NET1: variants seen among roughly 807,000 people sequenced by gnomAD.
NET1 encodes the protein neuroepithelial cell transforming 1.
In NET1, 42 loss-of-function variants were observed where a neutral mutation model predicts 61.1. The ratio of observed to expected loss-of-function variants is 0.69; its 90% confidence interval spans 0.54 to 0.89. The LOEUF (loss-of-function observed/expected upper bound fraction) is 0.89. Among genes scored for constraint, NET1 ranks in the 40% least tolerant of loss-of-function variants. The pLI is 0.00. For missense variants in NET1, 654 were observed against 747.3 expected, an observed-to-expected ratio of 0.88 and a Z score of 1.46; for synonymous variants, 254 against 281.8, an observed-to-expected ratio of 0.90 and a Z score of 0.99.
rs1269360261 is a variant in NET1 at position 5,425,179 on chromosome 10, T to G, written c.129-1476T>G. ...AGATTCAGTAATACTTTGTATTACT[T>G]AAGTATTAATTCATCTGTGAAGCTT... On this transcript the variant is annotated intron_variant, in intron 1 of 11. Transcript: ENST00000355029. Among the ~76,000 whole-genome samples, 7 of 152,336 alleles carry G rather than the reference T, an allele frequency of 4.6e-5. No homozygotes were observed. The South Asian group carries it at 6.2e-4, about 14-fold the overall frequency.
In NET1 at chr10:5,449,026, C is replaced by T. The variant is rs1023075398; in HGVS notation, c.256-2804C>T. On this transcript the variant is annotated intron_variant, in intron 3 of 11. Transcript: ENST00000355029. The surrounding 1 kb of genome is among the most constrained non-coding windows in gnomAD (Gnocchi z 4.4). ...TCGGCTCACATGGGCCAATTTCTGA[C>T]GTGTATTCCGAAAGACACAAATTTT... Among the ~76,000 whole-genome samples, 12 of 152,144 alleles carry T rather than the reference C, an allele frequency of 7.9e-5. No homozygotes were observed. Among genetic ancestry groups the T allele is most frequent in the African/African-American group, 1.9e-4 (8 of 41,428 alleles).
chr10:5,453,364 A>G lies in NET1; in HGVS notation c.691+18A>G, dbSNP rs764911295. 1 of 1,585,388 alleles carries G rather than the reference A, an allele frequency of 6.3e-7. No individual in the cohort carries two copies. The highest frequency in any genetic ancestry group is 8.7e-7 in the Non-Finnish European group (1 of 1,153,850). ...GCATGAAGGTTAGATGTGCCACTTAATTGTCATTAAATCTAAAGAGCAGCG... is the reference window on the plus strand; with the variant it reads ...GCATGAAGGTTAGATGTGCCACTTAGTTGTCATTAAATCTAAAGAGCAGCG... On this transcript the variant is annotated intron_variant, in intron 7 of 11. Transcript: ENST00000355029. The surrounding 1 kb of genome is among the most constrained non-coding windows in gnomAD (Gnocchi z 4.9).
intron 3 of NET1, among the ~76,000 whole-genome samples, chr10:5,438,452 G>A (rs1009778353): frequency 2.0e-5 from 3 of 152,142 alleles, no homozygotes; most frequent in Admixed American, 2.0e-4. Flanking sequence ...ATTAATAAAA[G>A]TACTGTGAAT....
At position 5,457,574 on chromosome 10, in the gene NET1, A is replaced by G. The variant is rs1832826781; in HGVS notation, c.*580A>G. 1 of 152,544 alleles carries G rather than the reference A, an allele frequency of 6.6e-6. No individual in the cohort carries two copies. Among genetic ancestry groups the G allele is most frequent in the Non-Finnish European group, 1.5e-5 (1 of 68,010 alleles). 9.4% of individuals were successfully genotyped at this position (152,544 alleles called of 1,614,324 possible). A position where few individuals can be genotyped will look rare whatever the true frequency, so the allele number is the denominator to read the frequency against. On this transcript the variant is annotated 3_prime_UTR_variant, in exon 12 of 12. Transcript: ENST00000355029. This position sits in a 1 kb window ranked among gnomAD's most constrained non-coding sequence, Gnocchi z 5.4. The stretch of plus-strand genomic sequence containing the variant: ...TTTCACTGTACATTCCTCATTTTAC[A>G]TTCATTTAACCTGCCGATTATTTAA...
At position 5,453,563 on chromosome 10, in the gene NET1, A is replaced by G. The variant is rs2119214284; in HGVS notation, c.768+3A>G. On this transcript the variant is annotated splice_donor_region_variant and intron_variant, in intron 8 of 11. Coordinates refer to ENST00000355029, the MANE Select transcript of NET1 (RefSeq NM_001047160.3). This position sits in a 1 kb window ranked among gnomAD's most constrained non-coding sequence, Gnocchi z 4.9. ...TTGGTCACATTCTCGTGAGCTGGGTATGTAGTGAGTTGTTGACCCCAGATA... is the reference window on the plus strand; with the variant it reads ...TTGGTCACATTCTCGTGAGCTGGGTGTGTAGTGAGTTGTTGACCCCAGATA... 1 of 1,613,770 alleles carries G rather than the reference A, an allele frequency of 6.2e-7. No homozygotes were observed. Among genetic ancestry groups the G allele is most frequent in the Non-Finnish European group, 8.5e-7 (1 of 1,179,674 alleles).
chr10:5,455,020 G>A lies in NET1; in HGVS notation c.1099G>A (p.Asp367Asn), dbSNP rs780878115. 4.5e-5 allele frequency: 72 copies of A among 1,613,926 alleles called. No individual in the cohort carries two copies. The highest frequency in any genetic ancestry group is 1.5e-4 in the South Asian group (14 of 91,078). ...KGESECQYYIDKLEYLDEKQR... is the reference protein window; with the variant it reads ...KGESECQYYINKLEYLDEKQR... Reference sequence around the variant, plus strand: ...TGAATCCGAGTGCCAGTATTACATCGACAAGCTGGAGTACCTGGATGAAAA... The same window carrying A: ...TGAATCCGAGTGCCAGTATTACATCAACAAGCTGGAGTACCTGGATGAAAA... Residue 367 changes from aspartate (D) to asparagine (N), a missense_variant, in exon 10 of 12, where the codon GAC becomes AAC. Physicochemically the swap from Asp to Asn is conservative, Grantham distance 23 (BLOSUM62 1). Transcript: ENST00000355029. The surrounding 1 kb of genome is among the most constrained non-coding windows in gnomAD (Gnocchi z 6.5).
Position 5,457,610 on chromosome 10 carries a change from G to T in NET1, c.*616G>T, listed in dbSNP as rs1376734980. On this transcript the variant is annotated 3_prime_UTR_variant, in exon 12 of 12. Transcript: ENST00000355029. This position sits in a 1 kb window ranked among gnomAD's most constrained non-coding sequence, Gnocchi z 5.4. Reference sequence around the variant, plus strand: ...CTGCCGATTATTTAATTTTTTTATTGTAAAGTAGTTTTTAGCATTTGCTTT... The same window carrying T: ...CTGCCGATTATTTAATTTTTTTATTTTAAAGTAGTTTTTAGCATTTGCTTT... The T allele has an allele frequency of 3.3e-5, 5 of 152,114 alleles. No individual in the cohort carries two copies. Among genetic ancestry groups the T allele is most frequent in the African/African-American group, 1.2e-4 (5 of 41,280 alleles). 9.4% of individuals were successfully genotyped at this position (152,114 alleles called of 1,614,324 possible).
Position 5,452,740 on chromosome 10 carries a change from T to C in NET1, c.532-118T>C. 2 of 1,027,616 alleles carry C rather than the reference T, an allele frequency of 1.9e-6. No individual in the cohort carries two copies. The highest frequency in any genetic ancestry group is 4.6e-4 in the Middle Eastern group (2 of 4,394). The allele number at this position is 1,027,616 out of a possible 1,614,324, so 63.7% of individuals were successfully genotyped here. ...TTGAGATTCCATTCTGAATTACAATTTTCAGACTGAGTTACTTTTTAAAAT... is the reference window on the plus strand; with the variant it reads ...TTGAGATTCCATTCTGAATTACAATCTTCAGACTGAGTTACTTTTTAAAAT... On this transcript the variant is annotated intron_variant, in intron 5 of 11. Transcript: ENST00000355029. The surrounding 1 kb of genome is among the most constrained non-coding windows in gnomAD (Gnocchi z 4.0).
Position 5,452,861 on chromosome 10 carries a change from A to G in NET1, c.535A>G (p.Ile179Val). The part of the protein sequence containing the change: ...TTREIRRQEA[I>V]YEMSRGEQDL... ...GATGTTTGCTGGATGTTTTTAGGCAATATATGAAATGTCCCGAGGTGAACA... is the reference window on the plus strand; with the variant it reads ...GATGTTTGCTGGATGTTTTTAGGCAGTATATGAAATGTCCCGAGGTGAACA... Residue 179 changes from isoleucine to valine, a missense_variant, in exon 6 of 12, where the codon ATA becomes GTA. Physicochemically the swap from Ile to Val is conservative, Grantham distance 29. Coordinates refer to ENST00000355029, the MANE Select transcript of NET1 (RefSeq NM_001047160.3). The surrounding 1 kb of genome is among the most constrained non-coding windows in gnomAD (Gnocchi z 4.0). 1 of 1,613,062 alleles carries G rather than the reference A, an allele frequency of 6.2e-7. No individual in the cohort carries two copies. Among genetic ancestry groups the G allele is most frequent in the Non-Finnish European group, 8.5e-7 (1 of 1,179,668 alleles).
chr10:5,428,901 T>TA (rs1017295642), intron 2 of NET1, among the ~76,000 whole-genome samples: 1 of 150,434 alleles, frequency 6.6e-6, no homozygotes, highest in Non-Finnish European at 1.5e-5. Flanking sequence ...TTTTTTTTTT[T>TA]TTTTGGATTT....
rs1397407134 is a variant in NET1 at position 5,427,037 on chromosome 10, A to G, written c.195+316A>G. Among the ~76,000 whole-genome samples the G allele has an allele frequency of 6.6e-6, 1 of 152,062 alleles. No homozygotes were observed. The highest frequency in any genetic ancestry group is 2.4e-5 in the African/African-American group (1 of 41,396). On this transcript the variant is annotated intron_variant, in intron 2 of 11. Transcript: ENST00000355029. The surrounding 1 kb of genome is among the most constrained non-coding windows in gnomAD (Gnocchi z 4.1). Reference sequence around the variant, plus strand: ...ATGAAACATGAAATTATTTTTATACATCCTCTACTGCCTTTTTTTCTTGGT... The same window carrying G: ...ATGAAACATGAAATTATTTTTATACGTCCTCTACTGCCTTTTTTTCTTGGT...
rs76293044 is a variant in NET1, at chr10:5,423,654, C to T, written c.129-3001C>T. On this transcript the variant is annotated intron_variant, in intron 1 of 11. Coordinates refer to ENST00000355029, the MANE Select transcript of NET1 (RefSeq NM_001047160.3). This position sits in a 1 kb window ranked among gnomAD's most constrained non-coding sequence, Gnocchi z 4.4. ...CTTGAAAAGGTGGACTGCCACTTTTCGCTCTACATTTCATCCTTTAAGCCC... is the reference window on the plus strand; with the variant it reads ...CTTGAAAAGGTGGACTGCCACTTTTTGCTCTACATTTCATCCTTTAAGCCC... Among the ~76,000 whole-genome samples, 4,925 of 152,292 alleles carry T rather than the reference C, an allele frequency of 0.032. 113 individuals are homozygous for T. Among genetic ancestry groups the T allele is most frequent in the Non-Finnish European group, 0.053 (3,581 of 68,008 alleles).
In NET1 at chr10:5,446,684, C is replaced by G; in HGVS notation, c.256-5146C>G. The G allele has an allele frequency of 7.3e-7, 1 of 1,379,074 alleles. No homozygotes were observed. The highest frequency in any genetic ancestry group is 9.5e-7 in the Non-Finnish European group (1 of 1,053,712). 85.4% of individuals were successfully genotyped at this position (1,379,074 alleles called of 1,614,324 possible). On this transcript the variant is annotated intron_variant, in intron 3 of 11. Transcript: ENST00000355029. This position sits in a 1 kb window ranked among gnomAD's most constrained non-coding sequence, Gnocchi z 5.0. ...GGTGGCCGAGCTCTGGGAAGAAAAG[C>G]CCGTGTGCCTCTGCATAGCGTCGCT...
Position 5,458,814 on chromosome 10 carries a change from C to T in NET1, c.*1820C>T, listed in dbSNP as rs559477849. Among the ~76,000 whole-genome samples the T allele has an allele frequency of 9.9e-5, 15 of 152,210 alleles. No individual in the cohort carries two copies. In the South Asian group the frequency reaches 2.9e-3, roughly 29 times the overall value. ...TTCACATTCATAAGTGTATATTACACCAATGATTGTGATCTGCAACACCAG... is the reference window on the plus strand; with the variant it reads ...TTCACATTCATAAGTGTATATTACATCAATGATTGTGATCTGCAACACCAG... On this transcript the variant is annotated 3_prime_UTR_variant, in exon 12 of 12. Coordinates refer to ENST00000355029, the MANE Select transcript of NET1 (RefSeq NM_001047160.3). The surrounding 1 kb of genome is among the most constrained non-coding windows in gnomAD (Gnocchi z 4.5).
At chr10:5,434,693 T>C (rs1019502304) in intron 3 of NET1, among the ~76,000 whole-genome samples, 177 of 150,264 alleles carry the variant, frequency 1.2e-3, no homozygotes, top group African/African-American at 4.1e-3. Context: ...TTTGTGGGTT[T>C]TCTTTTTTTT....
rs1832086910 is a variant in NET1, at chr10:5,416,694, C to T, written c.128+3874C>T. Among the ~76,000 whole-genome samples, 1 of 152,122 alleles carries T rather than the reference C, an allele frequency of 6.6e-6. No individual in the cohort carries two copies. Among genetic ancestry groups the T allele is most frequent in the African/African-American group, 2.4e-5 (1 of 41,436 alleles). The stretch of plus-strand genomic sequence containing the variant: ...ATTTCTTTTGAAATGGGAAAAGTTC[C>T]CTTTTCCCCCTCGCAGGGCGTGCAC... On this transcript the variant is annotated intron_variant, in intron 1 of 11. Transcript: ENST00000355029. This position sits in a 1 kb window ranked among gnomAD's most constrained non-coding sequence, Gnocchi z 6.1.
intron 1 of NET1, among the ~76,000 whole-genome samples, chr10:5,418,242 G>A (rs1490568959): frequency 6.6e-6 from 1 of 151,842 alleles, no homozygotes; most frequent in Non-Finnish European, 1.5e-5. Flanking sequence ...TTCTTTCAAT[G>A]TTTGGTAGAA....
rs1248037049 is a variant in NET1, at chr10:5,447,781, G to A, written c.256-4049G>A. Among the ~76,000 whole-genome samples the A allele has an allele frequency of 6.6e-6, 1 of 152,154 alleles. No individual in the cohort carries two copies. The highest frequency in any genetic ancestry group is 6.5e-5 in the Admixed American group (1 of 15,284). Reference sequence around the variant, plus strand: ...TGGTTTGGCTTTGGTTTTTGTTCTTGGTTTTGGTCTTTGCCTATGTGTCGG... The same window carrying A: ...TGGTTTGGCTTTGGTTTTTGTTCTTAGTTTTGGTCTTTGCCTATGTGTCGG... On this transcript the variant is annotated intron_variant, in intron 3 of 11. Transcript: ENST00000355029. The surrounding 1 kb of genome is among the most constrained non-coding windows in gnomAD (Gnocchi z 4.1).
rs1280424575 is a variant in NET1 at position 5,437,635 on chromosome 10, G to A, written c.255+8406G>A. Among the ~76,000 whole-genome samples, 1 of 149,414 alleles carries A rather than the reference G, an allele frequency of 6.7e-6. No individual in the cohort carries two copies. The highest frequency in any genetic ancestry group is 2.5e-5 in the African/African-American group (1 of 40,458). ...TCGGTTTATGATAATATTCATAACC[G>A]AGTACCCTTTTCAACTCTGTATTTT... On this transcript the variant is annotated intron_variant, in intron 3 of 11. Coordinates refer to ENST00000355029, the MANE Select transcript of NET1 (RefSeq NM_001047160.3). The surrounding 1 kb of genome is among the most constrained non-coding windows in gnomAD (Gnocchi z 4.3).
Sources: allele counts gnomAD v4.1 joint callset (sites outside exome capture counted in the v4.1 genomes callset), GRCh38; gene constraint gnomAD v4.1.1; non-coding constraint Gnocchi (gnomAD v3.1); transcripts MANE v1.5; gene names NCBI Gene and HGNC (gene_info 2026-07-23, HGNC 2026-07-21).